LY86: variants seen among roughly 807,000 people sequenced by gnomAD.
LY86 encodes the protein lymphocyte antigen 86.
A neutral mutation model predicts 17.3 loss-of-function variants in LY86; 20 were observed. That is an observed-to-expected ratio of 1.15 (90% CI 0.81 to 1.68). LY86 has a LOEUF of 1.68. LY86 is among the 40% of genes most tolerant of loss of function. The pLI, the probability that LY86 is intolerant of heterozygous loss-of-function variation, is 0.00. For synonymous variants in LY86, 74 were observed against 70.6 expected, an observed-to-expected ratio of 1.05 and a Z score of -0.24; for missense variants, 200 against 191.9, an observed-to-expected ratio of 1.04 and a Z score of -0.25.
intron 1 of LY86, among the ~76,000 whole-genome samples, chr6:6,590,015 G>A (rs1760474999): frequency 6.6e-6 from 1 of 151,460 alleles, no homozygotes; most frequent in African/African-American, 2.4e-5. Context: ...CAGCTACTTG[G>A]GAGGCTGAGG....
chr6:6,600,602 A>C (rs1581232161), intron 1 of LY86, among the ~76,000 whole-genome samples: 1 of 31,786 alleles, frequency 3.1e-5, no homozygotes, highest in South Asian at 7.7e-4. Flanking sequence ...AAAAAAAAAA[A>C]AAAAAAAAAA....
At chr6:6,624,089 T>C (rs1761735880) in intron 1 of LY86, among the ~76,000 whole-genome samples, 1 of 152,112 alleles carries the variant, frequency 6.6e-6, no homozygotes, top group African/African-American at 2.4e-5. Context: ...CTAAGACCAT[T>C]GCAAATGGGA....
chr6:6,634,241 C>T (rs1761933135), intron 3 of LY86, among the ~76,000 whole-genome samples: 1 of 152,190 alleles, frequency 6.6e-6, no homozygotes, highest in African/African-American at 2.4e-5. Context: ...ATTTTAAATG[C>T]ATTAATATTT....
intron 1 of LY86, among the ~76,000 whole-genome samples, chr6:6,590,284 A>G (rs1407086987): frequency 1.3e-5 from 2 of 152,280 alleles, no homozygotes; most frequent in East Asian, 1.9e-4. Context: ...TTTGGACCCA[A>G]TAAATGAGAC....
chr6:6,651,237 C>T (rs1762181989), intron 4 of LY86, among the ~76,000 whole-genome samples: 1 of 152,194 alleles, frequency 6.6e-6, no homozygotes. Flanking sequence ...ACAACCTCAT[C>T]CTTTCAGTTC....
chr6:6,632,618 T>C (rs1761912240), intron 3 of LY86, among the ~76,000 whole-genome samples: 1 of 152,156 alleles, frequency 6.6e-6, no homozygotes, highest in Non-Finnish European at 1.5e-5. Flanking sequence ...GTCCATAACA[T>C]CTCACACTGC....
chr6:6,616,473 G>C (rs1761556919), intron 1 of LY86, among the ~76,000 whole-genome samples: 2 of 152,146 alleles, frequency 1.3e-5, no homozygotes, highest in Admixed American at 6.5e-5. Flanking sequence ...CTCTTCCTTA[G>C]CAAACAGGGA....
chr6:6,607,377 G>C lies in LY86; in HGVS notation c.137-17549G>C, dbSNP rs540490744. Among the ~76,000 whole-genome samples the C allele has an allele frequency of 3.3e-5, 5 of 152,116 alleles. No homozygotes were observed. In the East Asian group the frequency reaches 9.7e-4, roughly 29 times the overall value. On this transcript the variant is annotated intron_variant, in intron 1 of 4. Transcript: ENST00000230568. The stretch of plus-strand genomic sequence containing the variant: ...CTTATATACCAAGGTTTTAAAAATA[G>C]GAAAAAGAGAAGTTTATTTTTAAGA...
chr6:6,600,602 A>T (rs1581232161), intron 1 of LY86, among the ~76,000 whole-genome samples: 5 of 31,760 alleles, frequency 1.6e-4, no homozygotes, highest in African/African-American at 9.5e-4. Context: ...AAAAAAAAAA[A>T]AAAAAAAAAA....
intron 1 of LY86, among the ~76,000 whole-genome samples, chr6:6,620,034 C>T (rs1032704786): frequency 2.0e-5 from 3 of 152,206 alleles, no homozygotes; most frequent in African/African-American, 7.2e-5. Context: ...CTTTTCACAG[C>T]GACTCTGCTG....
chr6:6,612,671 T>C (rs1761414641), intron 1 of LY86, among the ~76,000 whole-genome samples: 1 of 152,208 alleles, frequency 6.6e-6, no homozygotes, highest in African/African-American at 2.4e-5. Context: ...AGAGAGCTGA[T>C]TGGTCCGTTT....
chr6:6,609,061 G>A (rs1310619931), intron 1 of LY86, among the ~76,000 whole-genome samples: 1 of 152,170 alleles, frequency 6.6e-6, no homozygotes, highest in Non-Finnish European at 1.5e-5. Flanking sequence ...TGCTGGCAGA[G>A]AGACCAAGCC....
At chr6:6,612,357 G>T (rs948150390) in intron 1 of LY86, among the ~76,000 whole-genome samples, 1 of 152,208 alleles carries the variant, frequency 6.6e-6, no homozygotes, top group Non-Finnish European at 1.5e-5. Context: ...CACTTCTTAA[G>T]GTGATACATT....
rs775246282 is a variant in LY86 at position 6,654,876 on chromosome 6, G to A, written c.*249G>A. On this transcript the variant is annotated 3_prime_UTR_variant, in exon 5 of 5. Coordinates refer to ENST00000230568, the MANE Select transcript of LY86 (RefSeq NM_004271.4). ...TGGCAGTCCTTAAGCAGTCTTGAGG[G>A]TCCATCCTTTTTCTCTAATTGGTCG... The A allele has an allele frequency of 8.9e-6, 4 of 447,926 alleles. No individual in the cohort carries two copies. Among genetic ancestry groups the A allele is most frequent in the Admixed American group, 8.1e-5 (2 of 24,734 alleles). The allele number at this position is 447,926 out of a possible 1,614,324, so 27.7% of individuals were successfully genotyped here. A position where few individuals can be genotyped will look rare whatever the true frequency, so the allele number is the denominator to read the frequency against.
chr6:6,643,946 T>G (rs368668461), intron 3 of LY86, among the ~76,000 whole-genome samples: 3 of 152,222 alleles, frequency 2.0e-5, no homozygotes, highest in South Asian at 2.1e-4. Context: ...GGACTCAAAA[T>G]GCTAGGTAAA....
chr6:6,593,344 A>G (rs1224587689), intron 1 of LY86, among the ~76,000 whole-genome samples: 1 of 152,208 alleles, frequency 6.6e-6, no homozygotes, highest in Non-Finnish European at 1.5e-5. Flanking sequence ...TCCTTCCTGT[A>G]AGGACCCTTG....
At chr6:6,595,526 AC>A in intron 1 of LY86, among the ~76,000 whole-genome samples, 1 of 112,278 alleles carries the variant, frequency 8.9e-6, no homozygotes, top group East Asian at 2.6e-4. Context: ...GCCCCACCCC[AC>A]CCCAGCCCCA....
chr6:6,592,145 A>G (rs1760549430), intron 1 of LY86, among the ~76,000 whole-genome samples: 1 of 152,152 alleles, frequency 6.6e-6, no homozygotes, highest in Non-Finnish European at 1.5e-5. Context: ...AGTTGACATC[A>G]TTTCCGCAGT....
chr6:6,591,674 G>A (rs1760534651), intron 1 of LY86, among the ~76,000 whole-genome samples: 1 of 152,180 alleles, frequency 6.6e-6, no homozygotes, highest in African/African-American at 2.4e-5. Context: ...GCTAATAGTG[G>A]CAGAATTATA....
Sources: allele counts gnomAD v4.1 joint callset (sites outside exome capture counted in the v4.1 genomes callset), GRCh38; gene constraint gnomAD v4.1.1; transcripts MANE v1.5; gene names NCBI Gene and HGNC (gene_info 2026-07-23, HGNC 2026-07-21).